Variants in GRB10 observed in about 807,000 individuals in gnomAD.
The protein encoded by GRB10 is growth factor receptor bound protein 10.
GRB10 carries 20 observed loss-of-function variants against 80.9 expected under a neutral mutation model. The observed-to-expected ratio is 0.25, with a 90% confidence interval of 0.17 to 0.36. The LOEUF (loss-of-function observed/expected upper bound fraction) is 0.36. Ranked by LOEUF, GRB10 falls within the 10% of genes least tolerant of loss-of-function variation. GRB10 has a pLI of 1.00. For synonymous variants in GRB10, 291 were observed against 291.5 expected (o/e 1.00, Z 0.02); for missense variants, 548 against 747.7 (o/e 0.73, Z 3.12).
chr7:50,740,624 T>C (rs1250354552), intron 3 of GRB10, among the ~76,000 whole-genome samples: 1 of 151,978 alleles, frequency 6.6e-6, no homozygotes, highest in Non-Finnish European at 1.5e-5. Flanking sequence ...AATAATCACA[T>C]GTAGAATGGA....
intron 7 of GRB10, among the ~76,000 whole-genome samples, chr7:50,637,165 T>G (rs2055208621): frequency 6.6e-6 from 1 of 152,128 alleles, no homozygotes; most frequent in East Asian, 1.9e-4. Context: ...ACTTTAGAGA[T>G]GAGGTCTCAC....
At chr7:50,734,044 A>G (rs2070364808) in intron 3 of GRB10, among the ~76,000 whole-genome samples, 1 of 151,900 alleles carries the variant, frequency 6.6e-6, no homozygotes, top group Non-Finnish European at 1.5e-5. Flanking sequence ...TTGAATACAT[A>G]TGAATATAAA....
chr7:50,603,431 G>A (rs2153568074), intron 17 of GRB10, among the ~76,000 whole-genome samples: 1 of 152,296 alleles, frequency 6.6e-6, no homozygotes, highest in East Asian at 1.9e-4. Flanking sequence ...ATGCCTGGGA[G>A]CCTCAAGTAA....
At chr7:50,597,389 G>A (rs1423570963) in intron 17 of GRB10, among the ~76,000 whole-genome samples, 1 of 152,274 alleles carries the variant, frequency 6.6e-6, no homozygotes, top group Non-Finnish European at 1.5e-5. Context: ...AGGAGATCCA[G>A]TTCTTCTCCC....
At chr7:50,747,826 C>T (rs896244225) in intron 3 of GRB10, among the ~76,000 whole-genome samples, 8 of 151,672 alleles carry the variant, frequency 5.3e-5, no homozygotes, top group African/African-American at 1.9e-4. Context: ...CGGGCCTGGG[C>T]AAGTAGAAGG....
At chr7:50,740,443 T>C (rs2071501152) in intron 3 of GRB10, among the ~76,000 whole-genome samples, 1 of 152,260 alleles carries the variant, frequency 6.6e-6, no homozygotes, top group Admixed American at 6.5e-5. Flanking sequence ...CAATTAATGA[T>C]GATTGGGTTA....
intron 10 of GRB10, among the ~76,000 whole-genome samples, chr7:50,617,672 G>A (rs1478213264): frequency 1.3e-5 from 2 of 152,170 alleles, no homozygotes; most frequent in Non-Finnish European, 2.9e-5. Flanking sequence ...TAGACTCTGT[G>A]CTTCTGCAGA....
At chr7:50,668,638 A>G (rs999644432) in intron 7 of GRB10, among the ~76,000 whole-genome samples, 7 of 152,218 alleles carry the variant, frequency 4.6e-5, no homozygotes, top group African/African-American at 1.7e-4. Flanking sequence ...ACCACTTACG[A>G]CAAGGCCTGG....
intron 17 of GRB10, among the ~76,000 whole-genome samples, chr7:50,598,115 C>T (rs1408527529): frequency 2.0e-5 from 3 of 152,160 alleles, no homozygotes; most frequent in Non-Finnish European, 2.9e-5. Context: ...CCGCCCACCT[C>T]GGCCTCCCAA....
At chr7:50,721,224 G>T (rs1454000811) in intron 4 of GRB10, among the ~76,000 whole-genome samples, 1 of 152,180 alleles carries the variant, frequency 6.6e-6, no homozygotes, top group Non-Finnish European at 1.5e-5. Flanking sequence ...AATATTAAAT[G>T]GACAATTCCA....
chr7:50,617,668 CTG>C (rs1394719735), intron 10 of GRB10, among the ~76,000 whole-genome samples: 1 of 152,166 alleles, frequency 6.6e-6, no homozygotes, highest in African/African-American at 2.4e-5. Flanking sequence ...ACTATAGACT[CTG>C]TGCTTCTGCA....
intron 7 of GRB10, among the ~76,000 whole-genome samples, chr7:50,639,444 A>G (rs7792211): frequency 0.44 from 66,113 of 151,752 alleles, 14,525 homozygotes; most frequent in Middle Eastern, 0.55. Context: ...GGGAGGCCGA[A>G]GTGGGCGGAT....
In GRB10 at chr7:50,719,606, A is replaced by G. The variant is rs192224417; in HGVS notation, c.51+12666T>C. ...TTAAAAACCTAGATGATGGGTTGAT[A>G]GGTGCAGCAAACCACCATGGCACAT... On this transcript the variant is annotated intron_variant, in intron 4 of 18. Transcript: ENST00000401949. Among the ~76,000 whole-genome samples, 191 of 152,272 alleles carry G rather than the reference A, an allele frequency of 1.3e-3. 1 individual carries two copies. Among genetic ancestry groups the G allele is most frequent in the African/African-American group, 4.3e-3 (180 of 41,552 alleles).
intron 7 of GRB10, among the ~76,000 whole-genome samples, chr7:50,645,092 C>T (rs1246592074): frequency 1.3e-5 from 2 of 152,174 alleles, no homozygotes; most frequent in Non-Finnish European, 2.9e-5. Flanking sequence ...TCAATTACAA[C>T]ATGCCAGAAA....
At chr7:50,672,708 G>T (rs1343340379) in intron 6 of GRB10, among the ~76,000 whole-genome samples, 1 of 152,148 alleles carries the variant, frequency 6.6e-6, no homozygotes, top group East Asian at 1.9e-4. Flanking sequence ...CTCCAGCAGG[G>T]AGGCAGGCCT....
At chr7:50,680,979 C>T (rs1358186342) in intron 5 of GRB10, among the ~76,000 whole-genome samples, 1 of 152,166 alleles carries the variant, frequency 6.6e-6, no homozygotes, top group Non-Finnish European at 1.5e-5. Context: ...CCCTACTCAA[C>T]AATTCTACAG....
At chr7:50,612,938 A>T (rs1244213409) in intron 12 of GRB10, 99 bp from the exon 13 acceptor site, 1 of 768,606 alleles carries the variant, frequency 1.3e-6, no homozygotes, top group Non-Finnish European at 2.3e-6. Flanking sequence ...AGAGACAACC[A>T]GCTGGAGATC....
At chr7:50,685,154 G>A (rs1301675471) in intron 5 of GRB10, among the ~76,000 whole-genome samples, 4 of 152,234 alleles carry the variant, frequency 2.6e-5, no homozygotes, top group East Asian at 1.9e-4. Flanking sequence ...TCATTTACCC[G>A]ATATTTTTCT....
intron 11 of GRB10, 124 bp downstream of exon 11, chr7:50,616,086 A>C: frequency 9.3e-7 from 1 of 1,076,312 alleles, no homozygotes; most frequent in Non-Finnish European, 1.4e-6. Flanking sequence ...GCTTATTAAG[A>C]AGTTGTCCTG....
Sources: gnomAD v4.1 joint callset for allele counts (sites outside exome capture counted in the v4.1 genomes callset) on GRCh38, gnomAD v4.1.1 for gene constraint, MANE v1.5 for transcripts, NCBI Gene and HGNC (gene_info 2026-07-23, HGNC 2026-07-21) for gene names.